Variants in TNS1 observed in about 807,000 individuals in gnomAD.
TNS1 encodes tensin-1.
A neutral mutation model predicts 168.6 loss-of-function variants in TNS1; 62 were observed. The observed-to-expected ratio is 0.37, with a 90% CI of 0.30 to 0.45. The LOEUF (loss-of-function observed/expected upper bound fraction) is 0.45, where lower values mean the gene tolerates loss of function less well. Among genes scored for constraint, TNS1 ranks in the 20% least tolerant of loss-of-function variants. TNS1 has a pLI of 1.00. For missense variants in TNS1, 2,240 were observed against 2,339.4 expected (o/e 0.96, Z 0.88); for synonymous variants, 934 against 933.2 (o/e 1.00, Z -0.02).
chr2:217,873,769 A>T (rs1949976257), intron 18 of TNS1, among the ~76,000 whole-genome samples: 1 of 152,158 alleles, frequency 6.6e-6, no homozygotes, highest in South Asian at 2.1e-4. Flanking sequence ...CCAAATACCT[A>T]CAGAAGTGCC....
Position 217,903,223 on chromosome 2 carries a change from G to A in TNS1, c.322-2711C>T, listed in dbSNP as rs138523097. ...CCCAGCCATGTTCTAGACACCAGGG[G>A]ACAAAGGAAGTGAAGTCCCTGACCT... is the stretch of plus-strand genomic sequence containing the variant. On this transcript the variant is annotated intron_variant, in intron 6 of 32. Transcript: ENST00000682258. Among the ~76,000 whole-genome samples, 422 of 152,124 alleles carry A rather than the reference G, an allele frequency of 2.8e-3. 3 individuals carry two copies. Among genetic ancestry groups the A allele is most frequent in the African/African-American group, 9.8e-3 (407 of 41,482 alleles).
At position 218,033,696 on chromosome 2, in the gene TNS1, A is replaced by C. The variant is rs1958921407; in HGVS notation, c.156+124T>G. Among the ~76,000 whole-genome samples the C allele has an allele frequency of 6.6e-6, 1 of 151,878 alleles. No individual in the cohort carries two copies. Among genetic ancestry groups the C allele is most frequent in the African/African-American group, 2.4e-5 (1 of 41,318 alleles). ...CCCCTTGGTCCACCTGCCTTGCCGC[A>C]CTTCCCAAGCAGACTAGCACCGTCC... On this transcript the variant is annotated intron_variant, in intron 1 of 1. Coordinates refer to the TNS1 transcript ENST00000649572. The surrounding 1 kb of genome is among the most constrained non-coding windows in gnomAD (Gnocchi z 4.3).
At chr2:217,830,173 C>T (rs912559596) in intron 22 of TNS1, among the ~76,000 whole-genome samples, 3 of 152,162 alleles carry the variant, frequency 2.0e-5, no homozygotes, top group Non-Finnish European at 2.9e-5. Context: ...CTGAGCCCCT[C>T]GCAGCCCCTG....
At chr2:217,844,467 G>A (rs376907377) in intron 19 of TNS1, among the ~76,000 whole-genome samples, 10 of 152,054 alleles carry the variant, frequency 6.6e-5, no homozygotes, top group East Asian at 3.9e-4. Flanking sequence ...TACCTATCCC[G>A]ACTGTCACTC....
intron 18 of TNS1, among the ~76,000 whole-genome samples, chr2:217,860,735 G>T (rs772176072): frequency 1.3e-4 from 20 of 152,184 alleles, no homozygotes; most frequent in Non-Finnish European, 2.2e-4. Flanking sequence ...TGATGTCCCA[G>T]ATTGAATGTG....
At chr2:217,947,782 G>A (rs933023399) in intron 3 of TNS1, among the ~76,000 whole-genome samples, 3 of 152,152 alleles carry the variant, frequency 2.0e-5, no homozygotes, top group Non-Finnish European at 4.4e-5. Context: ...CCCCACCCAG[G>A]GCCCCTCAGT....
intron 4 of TNS1, among the ~76,000 whole-genome samples, chr2:217,908,062 A>G (rs1244198670): frequency 6.6e-6 from 1 of 152,284 alleles, no homozygotes; most frequent in Middle Eastern, 3.4e-3. Flanking sequence ...TGTTTCCCCA[A>G]CTATTGTTTT....
chr2:218,011,533 G>A (rs1173639616), upstream of TNS1, among the ~76,000 whole-genome samples: 7 of 152,088 alleles, frequency 4.6e-5, no homozygotes, highest in Non-Finnish European at 1.0e-4. Context: ...CCTGGGGCTG[G>A]GCTGCCCTAG....
intron 18 of TNS1, among the ~76,000 whole-genome samples, chr2:217,864,744 C>T (rs920988051): frequency 6.6e-6 from 1 of 152,202 alleles, no homozygotes; most frequent in African/African-American, 2.4e-5. Context: ...TGCCTCAGGG[C>T]TGGTTTATAA....
At chr2:217,860,770 T>C (rs958776794) in intron 18 of TNS1, among the ~76,000 whole-genome samples, 19 of 152,322 alleles carry the variant, frequency 1.2e-4, no homozygotes, top group East Asian at 3.9e-4. Context: ...TTTTTTCCAA[T>C]ACACATCAAA....
intron 3 of TNS1, chr2:217,936,952 CCA>C (rs1956640394): frequency 2.2e-6 from 1 of 456,652 alleles, no homozygotes; most frequent in Non-Finnish European, 4.4e-6. Flanking sequence ...GGAGGGAGAC[CCA>C]CGCTTGTTAT....
At chr2:217,959,750 TG>T (rs1342130679) in intron 3 of TNS1, among the ~76,000 whole-genome samples, 1 of 152,152 alleles carries the variant, frequency 6.6e-6, no homozygotes, top group Non-Finnish European at 1.5e-5. Context: ...CTGATGAGAC[TG>T]GCCCAAGGGA....
At chr2:217,939,037 C>T (rs1956778402) in intron 3 of TNS1, among the ~76,000 whole-genome samples, 2 of 152,126 alleles carry the variant, frequency 1.3e-5, no homozygotes. Flanking sequence ...TCCATCACCA[C>T]CACCACCAAT....
chr2:217,861,711 G>A (rs934465355), intron 18 of TNS1, among the ~76,000 whole-genome samples: 8 of 152,230 alleles, frequency 5.3e-5, no homozygotes, highest in Admixed American at 1.3e-4. Context: ...ACTAGTCATT[G>A]TATCTCAGTA....
chr2:217,864,645 C>T (rs1366855138), intron 18 of TNS1, among the ~76,000 whole-genome samples: 3 of 152,210 alleles, frequency 2.0e-5, no homozygotes, highest in Non-Finnish European at 2.9e-5. Flanking sequence ...TGAGCACTGT[C>T]CCCATCAAAC....
intron 18 of TNS1, among the ~76,000 whole-genome samples, chr2:217,868,154 T>C (rs754405521): frequency 6.6e-6 from 1 of 152,240 alleles, no homozygotes; most frequent in Admixed American, 6.5e-5. Context: ...GCTTATGTAC[T>C]AAAGAATGTA....
chr2:217,863,565 G>A (rs528822606), intron 18 of TNS1, among the ~76,000 whole-genome samples: 172 of 152,224 alleles, frequency 1.1e-3, no homozygotes, highest in Admixed American at 3.7e-3. Flanking sequence ...GTAATAGACC[G>A]ATCTCCGAAC....
At chr2:217,866,645 G>A (rs1949302219) in intron 18 of TNS1, among the ~76,000 whole-genome samples, 1 of 152,190 alleles carries the variant, frequency 6.6e-6, no homozygotes, top group Non-Finnish European at 1.5e-5. Flanking sequence ...GCAGACAGCG[G>A]CAGGCAGCTC....
Position 217,836,045 on chromosome 2 carries a change from G to A in TNS1, c.3174C>T (p.Ile1058=), listed in dbSNP as rs61743061. ...TGGGCCGCCCTCCAGGATTGAGAGC[G>A]ATGGTAAGAGCCAGCTCCGGGGAGA... ...QCVSPELALT[I]ALNPGGRPKE... Residue 1058 remains isoleucine, a synonymous_variant, in exon 20 of 33, where the codon ATC becomes ATT. Transcript: ENST00000682258. 299 of 1,613,992 alleles carry A rather than the reference G, an allele frequency of 1.9e-4. No individual in the cohort carries two copies. In the African/African-American group the frequency reaches 3.3e-3, roughly 18 times the overall value.
Sources: gnomAD v4.1 joint callset for allele counts (sites outside exome capture counted in the v4.1 genomes callset) on GRCh38, gnomAD v4.1.1 for gene constraint, Gnocchi (gnomAD v3.1) non-coding constraint, MANE v1.5 for transcripts, NCBI Gene and HGNC (gene_info 2026-07-23, HGNC 2026-07-21) for gene names.